The following PIAS2 variants were observed in gnomAD, a reference collection of about 807,000 sequenced individuals.
PIAS2 encodes the protein protein inhibitor of activated STAT 2.
PIAS2 carries 19 observed loss-of-function variants against 69.7 expected under a neutral mutation model. The observed-to-expected ratio is 0.27, with a 90% CI of 0.19 to 0.40. PIAS2 has a LOEUF of 0.40. PIAS2 is among the 10% of genes least tolerant of loss of function. The pLI is 1.00. For missense variants in PIAS2, 624 were observed against 757.0 expected, an observed-to-expected ratio of 0.82 and a Z score of 2.06; for synonymous variants, 261 against 263.2, an observed-to-expected ratio of 0.99 and a Z score of 0.08.
intron 1 of PIAS2, among the ~76,000 whole-genome samples, chr18:46,896,165 C>CAAAAAAAAAAAAAAAAA (rs1199712335): frequency 3.1e-5 from 1 of 31,944 alleles, no homozygotes; most frequent in Non-Finnish European, 6.2e-5. Context: ...AAGAAAAAAG[C>CAAAAAAAAAAAAAAAAA]AAAAAAAAAA....
chr18:46,846,917 G>A, intron 5 of PIAS2, 76 bp from the exon 6 acceptor site: 4 of 1,257,216 alleles, frequency 3.2e-6, no homozygotes, highest in Non-Finnish European at 4.2e-6. Flanking sequence ...ATAGATACAG[G>A]ATCCTGCCCA....
intron 1 of PIAS2, among the ~76,000 whole-genome samples, chr18:46,908,392 T>C (rs2056873385): frequency 6.6e-6 from 1 of 152,162 alleles, no homozygotes. Context: ...AGATGAGTGA[T>C]GGCATCCAAA....
intron 8 of PIAS2, among the ~76,000 whole-genome samples, chr18:46,840,502 T>C (rs2045217606): frequency 6.6e-6 from 1 of 152,228 alleles, no homozygotes; most frequent in African/African-American, 2.4e-5. Context: ...TGTTTAGGGA[T>C]TGTTTTTGTC....
At chr18:46,870,123 G>A (rs759733646) in intron 2 of PIAS2, among the ~76,000 whole-genome samples, 8 of 151,938 alleles carry the variant, frequency 5.3e-5, no homozygotes, top group Non-Finnish European at 7.4e-5. Context: ...CTAACCACAC[G>A]TCTGAGTCTA....
rs534152321 is a variant in PIAS2, at chr18:46,845,303, C to T, written c.862-464G>A. 7.9e-5 allele frequency among the ~76,000 whole-genome samples: 12 copies of T among 152,292 alleles called. No homozygotes were observed. In the South Asian group the frequency reaches 1.2e-3, roughly 16 times the overall value. On this transcript the variant is annotated intron_variant, in intron 6 of 13. Transcript: ENST00000585916. Reference sequence around the variant, plus strand: ...CAAAGGCCAGTGGTCTGAATTAACACTGCAAATCCAGAGTTCCAAAGTTCT... The same window carrying T: ...CAAAGGCCAGTGGTCTGAATTAACATTGCAAATCCAGAGTTCCAAAGTTCT...
At chr18:46,897,521 A>G (rs2055088344) in intron 1 of PIAS2, among the ~76,000 whole-genome samples, 1 of 152,194 alleles carries the variant, frequency 6.6e-6, no homozygotes, top group South Asian at 2.1e-4. Flanking sequence ...ATAATACTTT[A>G]AAAATCACTG....
intron 1 of PIAS2, among the ~76,000 whole-genome samples, chr18:46,911,814 G>A (rs574844775): frequency 8.5e-5 from 13 of 152,366 alleles, no homozygotes; most frequent in African/African-American, 2.4e-4. Flanking sequence ...GGGAGGCCAA[G>A]GGAGGGGGAG....
At chr18:46,845,109 T>C (rs1206014044) in intron 6 of PIAS2, 4 of 226,282 alleles carry the variant, frequency 1.8e-5, no homozygotes, top group South Asian at 1.7e-4. Flanking sequence ...GTTTCCAAAC[T>C]ATGGTTCTTA....
In PIAS2 at chr18:46,809,146, T is replaced by C. The variant is rs1420982413; in HGVS notation, c.*3287A>G. ...GGAAAACTTGGTTTTATACCAAGAA[T>C]TATGAATCAACCTACACTTGCTATC... On this transcript the variant is annotated 3_prime_UTR_variant, in exon 14 of 14. Coordinates refer to ENST00000585916, the MANE Select transcript of PIAS2 (RefSeq NM_004671.5). 1.3e-5 allele frequency: 2 copies of C among 152,206 alleles called. No homozygotes were observed. The highest frequency in any genetic ancestry group is 2.4e-5 in the African/African-American group (1 of 41,456). 9.4% of individuals were successfully genotyped at this position (152,206 alleles called of 1,614,324 possible). A position where few individuals can be genotyped will look rare whatever the true frequency, so the allele number is the denominator to read the frequency against.
intron 1 of PIAS2, chr18:46,903,414 G>A (rs968762040): frequency 6.6e-6 from 1 of 152,126 alleles, no homozygotes; most frequent in African/African-American, 2.4e-5. Flanking sequence ...AAAGAGACAT[G>A]TCATGGATTG....
chr18:46,850,906 G>A (rs1041893111), intron 5 of PIAS2, among the ~76,000 whole-genome samples: 2 of 152,040 alleles, frequency 1.3e-5, no homozygotes, highest in Admixed American at 1.3e-4. Context: ...ATCAATCTTC[G>A]GAGCAGCAGT....
intron 1 of PIAS2, chr18:46,917,054 C>G: frequency 1.0e-6 from 1 of 988,140 alleles, no homozygotes. Context: ...GGCGCCCCGA[C>G]CCCCCGCGCC....
intron 1 of PIAS2, among the ~76,000 whole-genome samples, chr18:46,910,702 C>T (rs190244742): frequency 1.3e-5 from 2 of 152,254 alleles, no homozygotes; most frequent in East Asian, 1.9e-4. Context: ...TCCCGTAGAT[C>T]GTAGACTACA....
chr18:46,836,893 C>G (rs968944685), intron 8 of PIAS2, among the ~76,000 whole-genome samples: 1 of 152,014 alleles, frequency 6.6e-6, no homozygotes, highest in Admixed American at 6.6e-5. Context: ...AAATATTTTC[C>G]CAGGAATGAT....
At chr18:46,884,056 T>G (rs1391682207) in intron 2 of PIAS2, among the ~76,000 whole-genome samples, 3 of 152,120 alleles carry the variant, frequency 2.0e-5, no homozygotes, top group African/African-American at 7.2e-5. Context: ...AACTAAACTT[T>G]TTTTTACAAA....
intron 12 of PIAS2, chr18:46,817,994 T>A: frequency 1.0e-6 from 1 of 986,626 alleles, no homozygotes; most frequent in Non-Finnish European, 1.2e-6. Flanking sequence ...ACTGATATAT[T>A]TTTATGCCCT....
At chr18:46,890,270 G>A (rs934830064) in intron 2 of PIAS2, among the ~76,000 whole-genome samples, 1 of 152,208 alleles carries the variant, frequency 6.6e-6, no homozygotes, top group African/African-American at 2.4e-5. Context: ...GGATGGCAGT[G>A]ATGGCTGCAC....
At chr18:46,821,404 T>G (rs2042165880) in intron 11 of PIAS2, among the ~76,000 whole-genome samples, 1 of 152,172 alleles carries the variant, frequency 6.6e-6, no homozygotes, top group Non-Finnish European at 1.5e-5. Context: ...TGTATATGGG[T>G]ATCAGTAATT....
In PIAS2 at chr18:46,917,479, C is replaced by T. The variant is rs1234522051; in HGVS notation, c.-134G>A. ...TGGGCGCCGCTTAAGACGCCGCGGC[C>T]GCCGCCGCTACAGCCGGGCCCGTCA... On this transcript the variant is annotated 5_prime_UTR_variant, in exon 1 of 14. Transcript: ENST00000585916. 159 of 1,206,420 alleles carry T rather than the reference C, an allele frequency of 1.3e-4. No individual in the cohort carries two copies. The highest frequency in any genetic ancestry group is 1.6e-4 in the Non-Finnish European group (158 of 968,056). The allele number at this position is 1,206,420 out of a possible 1,614,324, so 74.7% of individuals were successfully genotyped here.
Sources: allele counts gnomAD v4.1 joint callset (sites outside exome capture counted in the v4.1 genomes callset), GRCh38; gene constraint gnomAD v4.1.1; transcripts MANE v1.5; gene names NCBI Gene and HGNC (gene_info 2026-07-23, HGNC 2026-07-21).